Variants in NCKAP5 observed in about 807,000 individuals in gnomAD.
NCKAP5 encodes NCK associated protein 5.
Under a neutral mutation model 167.0 loss-of-function variants are expected in NCKAP5, and 92 were observed. That is an observed-to-expected ratio of 0.55 (90% CI 0.47 to 0.66). The LOEUF is 0.66. Among genes scored for constraint, NCKAP5 ranks in the 30% least tolerant of loss-of-function variants. NCKAP5 has a pLI of 0.00. For synonymous variants in NCKAP5, 891 were observed against 877.4 expected (o/e 1.02, Z -0.27); for missense variants, 2,378 against 2,315.0 (o/e 1.03, Z -0.56).
chr2:132,807,929 C>T (rs555424504), intron 11 of NCKAP5, among the ~76,000 whole-genome samples: 1 of 152,170 alleles, frequency 6.6e-6, no homozygotes, highest in South Asian at 2.1e-4. Context: ...AGGTATGTCC[C>T]TTATATGCTG....
At chr2:132,758,464 G>A (rs1226098419) in intron 16 of NCKAP5, among the ~76,000 whole-genome samples, 1 of 152,126 alleles carries the variant, frequency 6.6e-6, no homozygotes, top group East Asian at 1.9e-4. Flanking sequence ...AGTTTTCACA[G>A]CACCTAAACC....
At chr2:133,168,595 G>A (rs2084104063) in intron 5 of NCKAP5, among the ~76,000 whole-genome samples, 1 of 152,082 alleles carries the variant, frequency 6.6e-6, no homozygotes, top group Non-Finnish European at 1.5e-5. Context: ...TTTCGAGTCA[G>A]TAGAGAGTCA....
intron 2 of NCKAP5, among the ~76,000 whole-genome samples, chr2:133,545,504 G>A (rs529790618): frequency 6.6e-6 from 1 of 152,074 alleles, no homozygotes; most frequent in Non-Finnish European, 1.5e-5. Flanking sequence ...CCATTGATCA[G>A]CATCATGATA....
chr2:133,470,737 G>C lies in NCKAP5; in HGVS notation c.69+46721C>G, dbSNP rs146008379. Among the ~76,000 whole-genome samples, 1,124 of 152,366 alleles carry C rather than the reference G, an allele frequency of 7.4e-3. 7 individuals are homozygous for C. The highest frequency in any genetic ancestry group is 0.021 in the Middle Eastern group (6 of 292). On this transcript the variant is annotated intron_variant, in intron 3 of 19. Coordinates refer to ENST00000409261, the MANE Select transcript of NCKAP5 (RefSeq NM_207363.3). ...GGTGCGCCGTTTTTTAAGCCTGTCG[G>C]AAAAGTACAGTATTCAGGTGGGAGT...
intron 10 of NCKAP5, among the ~76,000 whole-genome samples, chr2:132,861,090 G>A (rs558587814): frequency 3.8e-4 from 58 of 152,150 alleles, no homozygotes; most frequent in African/African-American, 1.4e-3. Context: ...GGGGCTAATA[G>A]AGTCAGTGAT....
chr2:132,736,086 T>G (rs1691478792), intron 16 of NCKAP5, among the ~76,000 whole-genome samples: 1 of 152,216 alleles, frequency 6.6e-6, no homozygotes, highest in African/African-American at 2.4e-5. Flanking sequence ...AGGCCATTTT[T>G]ATTTCTAGAA....
chr2:133,344,143 C>G (rs1683788148), intron 3 of NCKAP5, among the ~76,000 whole-genome samples: 2 of 152,128 alleles, frequency 1.3e-5, no homozygotes, highest in South Asian at 4.1e-4. Flanking sequence ...CACAGCGGCT[C>G]ATGCCTGTAA....
chr2:133,111,752 T>C (rs895457582), intron 6 of NCKAP5, among the ~76,000 whole-genome samples: 7 of 152,214 alleles, frequency 4.6e-5, no homozygotes, highest in Admixed American at 1.3e-4. Context: ...TCATTTCCAA[T>C]TTCATTCAAG....
intron 8 of NCKAP5, among the ~76,000 whole-genome samples, chr2:132,917,074 C>A (rs1694940490): frequency 6.6e-6 from 1 of 152,114 alleles, no homozygotes; most frequent in Non-Finnish European, 1.5e-5. Flanking sequence ...ATTTAATTCT[C>A]ACAATAATCA....
At chr2:133,186,181 A>C (rs2084938341) in intron 5 of NCKAP5, among the ~76,000 whole-genome samples, 1 of 151,842 alleles carries the variant, frequency 6.6e-6, no homozygotes, top group South Asian at 2.1e-4. Flanking sequence ...GTGATGTTGG[A>C]TTTTGTTTAA....
At position 132,782,937 on chromosome 2, in the gene NCKAP5, C is replaced by T. The variant is rs376373106; in HGVS notation, c.3874G>A (p.Glu1292Lys). Residue 1292 changes from glutamate to lysine, a missense_variant, in exon 14 of 20, where the codon GAA (glutamate) becomes AAA (lysine). By Grantham distance (56) the Glu-to-Lys change is moderately conservative. Transcript: ENST00000409261. Reference sequence around the variant, plus strand: ...TGAGTGCGGACTTTGCCTGACCCTTCGATGGGGGGCGTAGAAGGCTTGTCT... The same window carrying T: ...TGAGTGCGGACTTTGCCTGACCCTTTGATGGGGGGCGTAGAAGGCTTGTCT... ...SGDKPSTPPI[E>K]GSGKVRTQII... 5.6e-5 allele frequency: 90 copies of T among 1,613,978 alleles called. No homozygotes were observed. The highest frequency in any genetic ancestry group is 6.8e-5 in the Non-Finnish European group (80 of 1,179,884).
At chr2:133,673,879 C>T in the NCKAP5 span, among the ~76,000 whole-genome samples, 1 of 152,294 alleles carries the variant, frequency 6.6e-6, no homozygotes, top group Non-Finnish European at 1.5e-5. Flanking sequence ...AAAGGGCCTA[C>T]CGTGACAAGC....
intron 3 of NCKAP5, among the ~76,000 whole-genome samples, chr2:133,460,240 A>G (rs959989265): frequency 6.6e-6 from 1 of 152,150 alleles, no homozygotes; most frequent in African/African-American, 2.4e-5. Context: ...AAAATTCTAA[A>G]TTGCTCACTT....
chr2:133,408,293 T>A (rs934764629), intron 3 of NCKAP5, among the ~76,000 whole-genome samples: 1 of 152,190 alleles, frequency 6.6e-6, no homozygotes, highest in Admixed American at 6.5e-5. Flanking sequence ...ATACTACTGC[T>A]TGTATAATGG....
chr2:133,338,494 T>C lies in NCKAP5; in HGVS notation c.70-35384A>G, dbSNP rs138501568. ...AAGATTAAATCCTATTGCACCATCA[T>C]TAATCAATTCTTCTCATAGCATTCC... On this transcript the variant is annotated intron_variant, in intron 3 of 19. Coordinates refer to ENST00000409261, the MANE Select transcript of NCKAP5 (RefSeq NM_207363.3). Among the ~76,000 whole-genome samples the C allele has an allele frequency of 4.3e-3, 661 of 152,334 alleles. 21 individuals are homozygous for C. The highest frequency in any genetic ancestry group is 0.031 in the Admixed American group (473 of 15,308).
chr2:133,584,984 A>G, the NCKAP5 span, among the ~76,000 whole-genome samples: 1 of 150,094 alleles, frequency 6.7e-6, no homozygotes, highest in African/African-American at 2.5e-5. Flanking sequence ...GAAGGAAGGA[A>G]GGAAGGAAGG....
intron 6 of NCKAP5, among the ~76,000 whole-genome samples, chr2:133,067,333 T>C (rs2080233872): frequency 6.6e-6 from 1 of 152,244 alleles, no homozygotes; most frequent in Non-Finnish European, 1.5e-5. Context: ...GCTACTTAAA[T>C]TTATGTTTTA....
At chr2:133,668,401 C>T in the NCKAP5 span, among the ~76,000 whole-genome samples, 10 of 152,112 alleles carry the variant, frequency 6.6e-5, no homozygotes, top group East Asian at 5.8e-4. Flanking sequence ...TTTACATTCC[C>T]GCCAGCAATA....
chr2:132,878,775 C>T, intron 9 of NCKAP5, 73 bp downstream of exon 9: 1 of 1,102,528 alleles, frequency 9.1e-7, no homozygotes, highest in Non-Finnish European at 1.4e-6. Flanking sequence ...GTAGCACACA[C>T]ACATTTTGAG....
Sources: gnomAD v4.1 joint callset for allele counts (sites outside exome capture counted in the v4.1 genomes callset) on GRCh38, gnomAD v4.1.1 for gene constraint, MANE v1.5 for transcripts, NCBI Gene and HGNC (gene_info 2026-07-23, HGNC 2026-07-21) for gene names.